The following AQP2 variants were observed in gnomAD, a reference collection of about 807,000 sequenced individuals.
The protein encoded by AQP2 is aquaporin-2.
A neutral mutation model predicts 21.6 loss-of-function variants in AQP2; 20 were observed. That is an observed-to-expected ratio of 0.92 (90% CI 0.65 to 1.34). AQP2 has a LOEUF of 1.34. AQP2 is among the 40% of genes most tolerant of loss of function. The pLI is 0.00. For missense variants in AQP2, 325 were observed against 363.4 expected (o/e 0.89, Z 0.86); for synonymous variants, 168 against 166.9 (o/e 1.01, Z -0.05).
chr12:49,954,509 A>T (rs116041884), intron 2 of AQP2, 121 bp from the exon 3 acceptor site: 1 of 1,317,550 alleles, frequency 7.6e-7, no homozygotes, highest in Non-Finnish European at 1.1e-6. Context: ...ATAAAACGTG[A>T]TGTTAATTGT....
intron 1 of AQP2, among the ~76,000 whole-genome samples, chr12:49,952,987 A>C (rs887541383): frequency 1.3e-5 from 2 of 152,236 alleles, no homozygotes; most frequent in Non-Finnish European, 1.5e-5. Context: ...ATTGAGGCTC[A>C]ACAGCAATTG....
At chr12:49,954,754 T>G in intron 3 of AQP2, 44 bp downstream of exon 3, 1 of 1,580,472 alleles carries the variant, frequency 6.3e-7, no homozygotes, top group African/African-American at 1.3e-5. Context: ...TAGAAACCCA[T>G]TTTAGAGGGA....
In AQP2 at chr12:49,955,735, C is replaced by A; in HGVS notation, c.*127C>A. ...CAGCGCAGAGTAGCTGCTTCCTGGA[C>A]GTGCGCGCCCAGGCCAGTGCTGTGA... On this transcript the variant is annotated 3_prime_UTR_variant, in exon 4 of 4. Transcript: ENST00000199280. 1 of 1,248,940 alleles carries A rather than the reference C, an allele frequency of 8.0e-7. No homozygotes were observed. The highest frequency in any genetic ancestry group is 1.1e-6 in the Non-Finnish European group (1 of 889,166). The allele number at this position is 1,248,940 out of a possible 1,614,324, so 77.4% of individuals were successfully genotyped here.
At chr12:49,954,432 C>A in intron 2 of AQP2, 113 bp downstream of exon 2, 1 of 1,312,330 alleles carries the variant, frequency 7.6e-7, no homozygotes, top group Non-Finnish European at 1.1e-6. Context: ...TCAAGAGGAA[C>A]AGACACCCCA....
At chr12:49,954,003 C>T in intron 1 of AQP2, 152 bp from the exon 2 acceptor site, 1 of 1,082,722 alleles carries the variant, frequency 9.2e-7, no homozygotes, top group Non-Finnish European at 1.4e-6. Flanking sequence ...AAGAAGGGAT[C>T]AGTCGTTGCA....
intron 1 of AQP2, among the ~76,000 whole-genome samples, chr12:49,953,521 C>A (rs548031911): frequency 6.6e-6 from 1 of 152,132 alleles, no homozygotes; most frequent in Non-Finnish European, 1.5e-5. Context: ...GGGCCCTTAC[C>A]CCAACCTCCA....
rs763939992 is a variant in AQP2, at chr12:49,954,726, C to A, written c.606+16C>A. 1.2e-6 allele frequency: 2 copies of A among 1,610,202 alleles called. No homozygotes were observed. Among genetic ancestry groups the A allele is most frequent in the South Asian group, 1.1e-5 (1 of 90,974 alleles). On this transcript the variant is annotated intron_variant, in intron 3 of 3. Coordinates refer to ENST00000199280, the MANE Select transcript of AQP2 (RefSeq NM_000486.6). The stretch of plus-strand genomic sequence containing the variant: ...TGACCACTGGGTAATGGCTGAAACC[C>A]CCTGCCCTCCCCTTCTCTAGAAACC...
Position 49,956,682 on chromosome 12 carries a change from T to C in AQP2, c.*1074T>C, listed in dbSNP as rs557230385. 1 of 152,244 alleles carries C rather than the reference T, an allele frequency of 6.6e-6. No homozygotes were observed. Among genetic ancestry groups the C allele is most frequent in the Non-Finnish European group, 1.5e-5 (1 of 68,048 alleles). 9.4% of individuals were successfully genotyped at this position (152,244 alleles called of 1,614,324 possible). A position where few individuals can be genotyped will look rare whatever the true frequency, so the allele number is the denominator to read the frequency against. ...ACTCAGTTTCACAAGTGAGCCCTCTTGCCCAGCACACACCTATGGCTGGCT... is the reference window on the plus strand; with the variant it reads ...ACTCAGTTTCACAAGTGAGCCCTCTCGCCCAGCACACACCTATGGCTGGCT... On this transcript the variant is annotated 3_prime_UTR_variant, in exon 4 of 4. Coordinates refer to ENST00000199280, the MANE Select transcript of AQP2 (RefSeq NM_000486.6).
At chr12:49,952,608 G>A (rs1350623898) in intron 1 of AQP2, among the ~76,000 whole-genome samples, 1 of 152,222 alleles carries the variant, frequency 6.6e-6, no homozygotes, top group African/African-American at 2.4e-5. Flanking sequence ...AGGGCACTGG[G>A]AGTGAAAGGC....
chr12:49,955,231 A>C (rs1402162937), intron 3 of AQP2, among the ~76,000 whole-genome samples, 168 bp from the exon 4 acceptor site: 2 of 152,216 alleles, frequency 1.3e-5, no homozygotes, highest in Non-Finnish European at 2.9e-5. Context: ...CCGCACTGAC[A>C]AGGCTTCCCC....
In AQP2 at chr12:49,951,271, T is replaced by C. The variant is rs1215609877; in HGVS notation, c.360+81T>C. ...AAAGGATGAGATGGGAGGGATGGGCTCTGGGTGATGTAGGGAGAGAGATGG... is the reference window on the plus strand; with the variant it reads ...AAAGGATGAGATGGGAGGGATGGGCCCTGGGTGATGTAGGGAGAGAGATGG... On this transcript the variant is annotated intron_variant, in intron 1 of 3. Transcript: ENST00000199280. 3.4e-6 allele frequency: 5 copies of C among 1,486,172 alleles called. No homozygotes were observed. In the African/African-American group the frequency reaches 7.0e-5, roughly 21 times the overall value. The allele number at this position is 1,486,172 out of a possible 1,614,324, so 92.1% of individuals were successfully genotyped here.
rs570342310 is a variant in AQP2, at chr12:49,958,256, A to G, written c.*2648A>G. ...AGGTAGAGCAAATATTGTTCTTCCC[A>G]TTTTACAGATTCAGAAACCAAGGCT... is the stretch of plus-strand genomic sequence containing the variant. On this transcript the variant is annotated 3_prime_UTR_variant, in exon 4 of 4. Coordinates refer to ENST00000199280, the MANE Select transcript of AQP2 (RefSeq NM_000486.6). The G allele has an allele frequency of 1.1e-4, 16 of 152,220 alleles. No individual in the cohort carries two copies. The highest frequency in any genetic ancestry group is 5.2e-4 in the Admixed American group (8 of 15,282). 9.4% of individuals were successfully genotyped at this position (152,220 alleles called of 1,614,324 possible). A position where few individuals can be genotyped will look rare whatever the true frequency, so the allele number is the denominator to read the frequency against.
chr12:49,956,854 C>T lies in AQP2; in HGVS notation c.*1246C>T, dbSNP rs771673301. Reference sequence around the variant, plus strand: ...CTGCCTCTCCACAGCCCGTGATCCCCTGCTTCTGGCTCCTACCACTGGACA... The same window carrying T: ...CTGCCTCTCCACAGCCCGTGATCCCTTGCTTCTGGCTCCTACCACTGGACA... On this transcript the variant is annotated 3_prime_UTR_variant, in exon 4 of 4. Coordinates refer to ENST00000199280, the MANE Select transcript of AQP2 (RefSeq NM_000486.6). 3.3e-5 allele frequency: 5 copies of T among 152,556 alleles called. No homozygotes were observed. Among genetic ancestry groups the T allele is most frequent in the Admixed American group, 1.3e-4 (2 of 15,276 alleles). The allele number at this position is 152,556 out of a possible 1,614,324, so 9.5% of individuals were successfully genotyped here. A position where few individuals can be genotyped will look rare whatever the true frequency, so the allele number is the denominator to read the frequency against.
In AQP2 at chr12:49,955,538, G is replaced by A. The variant is rs1175748856; in HGVS notation, c.746G>A (p.Arg249His). 2 of 1,609,712 alleles carry A rather than the reference G, an allele frequency of 1.2e-6. No homozygotes were observed. The highest frequency in any genetic ancestry group is 1.1e-5 in the South Asian group (1 of 90,722). ...GAGCCGGACACCGATTGGGAGGAGC[G>A]CGAGGTGCGACGGCGGCAGTCGGTG... ...GLEPDTDWEE[R>H]EVRRRQSVEL... is the part of the protein sequence containing the mutation. The change falls in exon 4 of 4, where the codon CGC becomes CAC. Residue 249 changes from arginine to histidine, a missense_variant. Coordinates refer to ENST00000199280, the MANE Select transcript of AQP2 (RefSeq NM_000486.6).
rs779085450 is a variant in AQP2 at position 49,950,899 on chromosome 12, C to T, written c.69C>T (p.Phe23=). 1.7e-5 allele frequency: 27 copies of T among 1,613,944 alleles called. No individual in the cohort carries two copies. Among genetic ancestry groups the T allele is most frequent in the South Asian group, 3.3e-5 (3 of 91,090 alleles). ...CAGAGTTCCTGGCCACACTCCTCTT[C>T]GTCTTCTTTGGCCTCGGCTCTGCCC... ...VFAEFLATLL[F]VFFGLGSALN... Residue 23 remains phenylalanine, a synonymous_variant, in exon 1 of 4, where the codon TTC becomes TTT. Transcript: ENST00000199280.
At chr12:49,954,828 C>G in intron 3 of AQP2, 118 bp downstream of exon 3, 1 of 1,182,264 alleles carries the variant, frequency 8.5e-7, no homozygotes, top group Middle Eastern at 1.9e-4. Context: ...CTCCACACTC[C>G]TCCTGGTCCT....
intron 1 of AQP2, 41 bp from the exon 2 acceptor site, chr12:49,954,114 T>C: frequency 6.3e-7 from 1 of 1,596,740 alleles, no homozygotes; most frequent in African/African-American, 1.3e-5. Context: ...GAGAGGAAAG[T>C]GGGCTCAGTG....
At position 49,951,172 on chromosome 12, in the gene AQP2, G is replaced by C; in HGVS notation, c.342G>C (p.Gly114=). Residue 114 remains glycine, a synonymous_variant, in exon 1 of 4, where the codon GGG becomes GGC. Coordinates refer to ENST00000199280, the MANE Select transcript of AQP2 (RefSeq NM_000486.6). ...LHEITPADIR[G]DLAVNALSNS... ...AGATCACGCCAGCAGACATCCGCGGGGACCTGGCTGTCAATGCTGTGAGTA... is the reference window on the plus strand; with the variant it reads ...AGATCACGCCAGCAGACATCCGCGGCGACCTGGCTGTCAATGCTGTGAGTA... 6.2e-7 allele frequency: 1 copy of C among 1,605,506 alleles called. No homozygotes were observed. Among genetic ancestry groups the C allele is most frequent in the South Asian group, 1.1e-5 (1 of 89,718 alleles).
In AQP2 at chr12:49,956,644, C is replaced by T. The variant is rs1446967835; in HGVS notation, c.*1036C>T. 6.6e-6 allele frequency: 1 copy of T among 152,210 alleles called. No homozygotes were observed. The highest frequency in any genetic ancestry group is 1.5e-5 in the Non-Finnish European group (1 of 68,030). The allele number at this position is 152,210 out of a possible 1,614,324, so 9.4% of individuals were successfully genotyped here. A position where few individuals can be genotyped will look rare whatever the true frequency, so the allele number is the denominator to read the frequency against. On this transcript the variant is annotated 3_prime_UTR_variant, in exon 4 of 4. Transcript: ENST00000199280. ...AGGGGAGATTTGCACCTAGACACTTCTTGAAAGGAGACACTCAGTTTCACA... is the reference window on the plus strand; with the variant it reads ...AGGGGAGATTTGCACCTAGACACTTTTTGAAAGGAGACACTCAGTTTCACA...
Sources: gnomAD v4.1 joint callset for allele counts (sites outside exome capture counted in the v4.1 genomes callset) on GRCh38, gnomAD v4.1.1 for gene constraint, MANE v1.5 for transcripts, NCBI Gene and HGNC (gene_info 2026-07-23, HGNC 2026-07-21) for gene names.